Variants in MKLN1 observed in about 807,000 individuals in gnomAD.
MKLN1 encodes muskelin 1, also known as muskelin.
A neutral mutation model predicts 99.0 loss-of-function variants in MKLN1; 18 were observed. That is an observed-to-expected ratio of 0.18 (90% CI 0.13 to 0.27). The LOEUF (loss-of-function observed/expected upper bound fraction) is 0.27, where lower values mean the gene tolerates loss of function less well. MKLN1 is among the 10% of genes least tolerant of loss of function. MKLN1 has a pLI of 1.00. For missense variants in MKLN1, 621 were observed against 875.9 expected (o/e 0.71, Z 3.67); for synonymous variants, 288 against 293.2 (o/e 0.98, Z 0.18).
rs1462330084 is a variant in MKLN1, at chr7:131,491,916, T to A, written c.*4188T>A. On this transcript the variant is annotated 3_prime_UTR_variant, in exon 18 of 18. Transcript: ENST00000352689. ...GCATTCTGTAGGACATTGTATTGCT[T>A]GGAAAAAAAAAGATCAAAATCATTC... The A allele has an allele frequency of 6.6e-6, 1 of 152,538 alleles. No individual in the cohort carries two copies. 9.4% of individuals were successfully genotyped at this position (152,538 alleles called of 1,614,324 possible). A position where few individuals can be genotyped will look rare whatever the true frequency, so the allele number is the denominator to read the frequency against.
At chr7:131,248,207 T>A (rs1023636852) in intron 3 of MKLN1, among the ~76,000 whole-genome samples, 3 of 151,950 alleles carry the variant, frequency 2.0e-5, no homozygotes, top group African/African-American at 7.2e-5. Context: ...ATTACAGACG[T>A]GAGAAGAAAA....
chr7:131,470,103 G>A (rs1471432520), intron 15 of MKLN1, among the ~76,000 whole-genome samples: 1 of 152,164 alleles, frequency 6.6e-6, no homozygotes, highest in East Asian at 1.9e-4. Context: ...CTGGACTCAA[G>A]CAGTCCACCC....
In MKLN1 at chr7:131,491,392, A is replaced by G. The variant is rs1429292623; in HGVS notation, c.*3664A>G. The G allele has an allele frequency of 6.6e-6, 1 of 152,162 alleles. No individual in the cohort carries two copies. The highest frequency in any genetic ancestry group is 1.5e-5 in the Non-Finnish European group (1 of 68,022). The allele number at this position is 152,162 out of a possible 1,614,324, so 9.4% of individuals were successfully genotyped here. A position where few individuals can be genotyped will look rare whatever the true frequency, so the allele number is the denominator to read the frequency against. On this transcript the variant is annotated 3_prime_UTR_variant, in exon 18 of 18. Coordinates refer to ENST00000352689, the MANE Select transcript of MKLN1 (RefSeq NM_013255.5). ...AGAAAAAGTTTATGGCTGGAGGAGTATCATACAGTGTCTACATATGATAGT... is the reference window on the plus strand; with the variant it reads ...AGAAAAAGTTTATGGCTGGAGGAGTGTCATACAGTGTCTACATATGATAGT...
At chr7:131,482,495 A>C (rs1390052573) in intron 17 of MKLN1, among the ~76,000 whole-genome samples, 1 of 152,208 alleles carries the variant, frequency 6.6e-6, no homozygotes, top group Admixed American at 6.5e-5. Flanking sequence ...AGAAATAAGA[A>C]GTGTACATTT....
intron 3 of MKLN1, among the ~76,000 whole-genome samples, chr7:131,263,658 G>T (rs1257544713): frequency 6.6e-6 from 1 of 150,846 alleles, no homozygotes; most frequent in African/African-American, 2.4e-5. Context: ...TGCAACCTCT[G>T]CCTCCCGGGT....
intron 1 of MKLN1, among the ~76,000 whole-genome samples, chr7:131,115,295 G>A (rs1185018296): frequency 1.3e-5 from 2 of 152,202 alleles, no homozygotes; most frequent in Admixed American, 6.5e-5. Flanking sequence ...CAAAAAGCAT[G>A]TAGATATTCT....
chr7:131,264,309 T>A (rs1169977025), intron 3 of MKLN1, among the ~76,000 whole-genome samples: 1 of 152,154 alleles, frequency 6.6e-6, no homozygotes, highest in African/African-American at 2.4e-5. Flanking sequence ...GAATAAAAAA[T>A]TAAGGAAGAG....
intron 2 of MKLN1, among the ~76,000 whole-genome samples, chr7:131,158,432 T>TCAAACAAA (rs148403408): frequency 2.6e-5 from 4 of 151,958 alleles, no homozygotes; most frequent in African/African-American, 4.8e-5. Flanking sequence ...AAACTCCATC[T>TCAAACAAA]CAAACAAACA....
chr7:131,287,893 TCTTA>T (rs1318861349), intron 3 of MKLN1, among the ~76,000 whole-genome samples: 1 of 152,106 alleles, frequency 6.6e-6, no homozygotes, highest in Non-Finnish European at 1.5e-5. Context: ...CCCCTTTGCT[TCTTA>T]CTTTTCTCTC....
chr7:131,287,212 T>G (rs1798145218), intron 3 of MKLN1, among the ~76,000 whole-genome samples: 1 of 152,262 alleles, frequency 6.6e-6, no homozygotes, highest in African/African-American at 2.4e-5. Context: ...GAACAGGTTT[T>G]GTGCTGGTTA....
chr7:131,487,847 G>A lies in MKLN1; in HGVS notation c.*119G>A. The A allele has an allele frequency of 8.0e-7, 1 of 1,249,590 alleles. No homozygotes were observed. The highest frequency in any genetic ancestry group is 1.1e-6 in the Non-Finnish European group (1 of 912,454). The allele number at this position is 1,249,590 out of a possible 1,614,324, so 77.4% of individuals were successfully genotyped here. A position where few individuals can be genotyped will look rare whatever the true frequency, so the allele number is the denominator to read the frequency against. On this transcript the variant is annotated 3_prime_UTR_variant, in exon 18 of 18. Transcript: ENST00000352689. This position sits in a 1 kb window ranked among gnomAD's most constrained non-coding sequence, Gnocchi z 4.7. ...TTGAGGACTGCACCAGAGTTCTGAA[G>A]GGATCTTAACCATCACAAGTTTTTA... is the stretch of plus-strand genomic sequence containing the variant.
intron 3 of MKLN1, among the ~76,000 whole-genome samples, chr7:131,222,535 G>A (rs1265012544): frequency 2.6e-5 from 4 of 152,072 alleles, no homozygotes; most frequent in Non-Finnish European, 4.4e-5. Flanking sequence ...CTCCCCTAAG[G>A]TATAACACTC....
chr7:131,390,908 T>C (rs1794180022), intron 4 of MKLN1, among the ~76,000 whole-genome samples: 1 of 152,174 alleles, frequency 6.6e-6, no homozygotes, highest in African/African-American at 2.4e-5. Context: ...AAAATGTTAA[T>C]TGGAGCTTTC....
In MKLN1 at chr7:131,397,273, T is replaced by G; in HGVS notation, c.407T>G (p.Leu136Arg). The G allele has an allele frequency of 1.2e-6, 2 of 1,605,246 alleles. No homozygotes were observed. Among genetic ancestry groups the G allele is most frequent in the South Asian group, 2.2e-5 (2 of 90,164 alleles). The change falls in exon 5 of 18, where the codon CTC becomes CGC. Residue 136 changes from leucine to arginine, a missense_variant. Leu to Arg is a moderately radical substitution (Grantham distance 102). Transcript: ENST00000352689. Reference protein sequence around the residue: ...FPCRFIKIVPLLSWGPSFNFS... With the variant: ...FPCRFIKIVPRLSWGPSFNFS... ...TTGTTTTTTCTCCTTAAAGTTCCACTCTTGTCCTGGGGACCCAGCTTTAAC... is the reference window on the plus strand; with the variant it reads ...TTGTTTTTTCTCCTTAAAGTTCCACGCTTGTCCTGGGGACCCAGCTTTAAC...
At chr7:131,352,266 CCA>C (rs772033098) in intron 1 of MKLN1, among the ~76,000 whole-genome samples, 2 of 152,068 alleles carry the variant, frequency 1.3e-5, no homozygotes, top group Admixed American at 1.3e-4. Context: ...TGACATGACC[CCA>C]TTCTTTATTT....
In MKLN1 at chr7:131,251,093, A is replaced by ATGTGTGTG. The variant is rs34359037; in HGVS notation, c.-179+48145_-179+48152dup. The stretch of plus-strand genomic sequence containing the variant: ...GACAGCCAGCAGCAATGGGGCCCAG[A>ATGTGTGTG]TGTGTGTGTGTGTGTGTGTGTGTGT... On this transcript the variant is annotated intron_variant, in intron 3 of 7. Transcript: ENST00000416992. Among the ~76,000 whole-genome samples, 590 of 146,256 alleles carry ATGTGTGTG rather than the reference A, an allele frequency of 4.0e-3. 8 individuals are homozygous for ATGTGTGTG. Among genetic ancestry groups the ATGTGTGTG allele is most frequent in the African/African-American group, 0.013 (521 of 39,972 alleles).
intron 3 of MKLN1, among the ~76,000 whole-genome samples, chr7:131,282,788 C>T (rs1188402198): frequency 6.6e-6 from 1 of 152,188 alleles, no homozygotes; most frequent in Non-Finnish European, 1.5e-5. Flanking sequence ...TTTAAATATA[C>T]AGATTCCAGA....
intron 12 of MKLN1, among the ~76,000 whole-genome samples, chr7:131,451,323 T>A (rs1796170680): frequency 6.6e-6 from 1 of 152,182 alleles, no homozygotes; most frequent in South Asian, 2.1e-4. Context: ...TTACTGTGTT[T>A]ATCTGTGATT....
At chr7:131,336,039 TTAAG>T (rs907529600) in intron 1 of MKLN1, among the ~76,000 whole-genome samples, 69 of 151,932 alleles carry the variant, frequency 4.5e-4, no homozygotes, top group African/African-American at 1.6e-3. Context: ...TGTCTTGAGG[TTAAG>T]TGTCAAATGT....
Sources: gnomAD v4.1 joint callset for allele counts (sites outside exome capture counted in the v4.1 genomes callset) on GRCh38, gnomAD v4.1.1 for gene constraint, Gnocchi (gnomAD v3.1) non-coding constraint, MANE v1.5 for transcripts, NCBI Gene and HGNC (gene_info 2026-07-23, HGNC 2026-07-21) for gene names.